Variants in SMIM31 observed in about 807,000 individuals in gnomAD.
SMIM31 encodes the protein small integral membrane protein 31, also known as human epithelial cell program regulator.
At chr4:164,790,313 C>T (rs1733083653) in intron 2 of SMIM31, among the ~76,000 whole-genome samples, 1 of 152,050 alleles carries the variant, frequency 6.6e-6, no homozygotes, top group South Asian at 2.1e-4. Flanking sequence ...TAAAAAAAAT[C>T]CTTTTAAATG....
At chr4:164,770,891 C>T (rs1019164047) in intron 2 of SMIM31, among the ~76,000 whole-genome samples, 1 of 152,122 alleles carries the variant, frequency 6.6e-6, no homozygotes, top group Non-Finnish European at 1.5e-5. Flanking sequence ...ATTGTGCCCA[C>T]CACATGGTTA....
At chr4:164,761,345 A>G (rs1241305641) in intron 1 of SMIM31, among the ~76,000 whole-genome samples, 2 of 152,156 alleles carry the variant, frequency 1.3e-5, no homozygotes, top group African/African-American at 2.4e-5. Flanking sequence ...TCTTAATTCT[A>G]TTACTGAGTC....
intron 2 of SMIM31, among the ~76,000 whole-genome samples, chr4:164,771,782 C>A (rs1732806146): frequency 6.6e-6 from 1 of 152,054 alleles, no homozygotes; most frequent in Non-Finnish European, 1.5e-5. Context: ...GCACTCCAGC[C>A]TGAGTGACAG....
chr4:164,760,863 C>T (rs1022372350), intron 1 of SMIM31, among the ~76,000 whole-genome samples: 1 of 150,112 alleles, frequency 6.7e-6, no homozygotes, highest in African/African-American at 2.5e-5. Flanking sequence ...CAACTAGAAA[C>T]ATGGAGCTAC....
intron 1 of SMIM31, among the ~76,000 whole-genome samples, chr4:164,756,679 C>T (rs950727796): frequency 6.6e-6 from 1 of 151,992 alleles, no homozygotes; most frequent in Non-Finnish European, 1.5e-5. Flanking sequence ...TCTACCCCTG[C>T]CTCCAGATGT....
chr4:164,787,653 C>T (rs1414362169), intron 2 of SMIM31, among the ~76,000 whole-genome samples: 6 of 151,678 alleles, frequency 4.0e-5, no homozygotes, highest in African/African-American at 9.7e-5. Flanking sequence ...CTAGAACTCA[C>T]TTTACTTGGA....
intron 2 of SMIM31, among the ~76,000 whole-genome samples, chr4:164,772,730 C>T (rs113516095): frequency 0.12 from 17,513 of 146,844 alleles, 1,245 homozygotes; most frequent in African/African-American, 0.21. Context: ...AGGCGCCCGC[C>T]ACCACGCCCG....
intron 2 of SMIM31, among the ~76,000 whole-genome samples, chr4:164,789,772 A>G (rs1676903961): frequency 1.3e-5 from 2 of 152,210 alleles, no homozygotes; most frequent in Non-Finnish European, 2.9e-5. Context: ...GATGGTACTT[A>G]TTCTTGAGAA....
intron 1 of SMIM31, among the ~76,000 whole-genome samples, chr4:164,755,305 C>T (rs1392944129): frequency 6.6e-6 from 1 of 151,060 alleles, no homozygotes; most frequent in African/African-American, 2.4e-5. Flanking sequence ...AACGGTGAAA[C>T]CCTGTCTCTA....
At chr4:164,784,634 T>G (rs557916494) in intron 2 of SMIM31, among the ~76,000 whole-genome samples, 10 of 152,210 alleles carry the variant, frequency 6.6e-5, no homozygotes, top group Non-Finnish European at 1.2e-4. Context: ...ACTAACAGTT[T>G]GCTTCCTACA....
At chr4:164,800,463 C>T (rs530616675) in intron 2 of SMIM31, among the ~76,000 whole-genome samples, 1 of 152,272 alleles carries the variant, frequency 6.6e-6, no homozygotes, top group East Asian at 1.9e-4. Flanking sequence ...CCACCTCAGC[C>T]TCCCAAAGTG....
intron 2 of SMIM31, among the ~76,000 whole-genome samples, chr4:164,787,060 T>C (rs1314883722): frequency 1.3e-5 from 2 of 152,224 alleles, no homozygotes; most frequent in African/African-American, 4.8e-5. Flanking sequence ...GGAAGAGAAG[T>C]GACATTAAGT....
chr4:164,758,622 CTTTTTTTGTTTT>C (rs1299048494), intron 1 of SMIM31, among the ~76,000 whole-genome samples: 4 of 105,390 alleles, frequency 3.8e-5, no homozygotes, highest in East Asian at 2.9e-4. Flanking sequence ...TGTAGTTTTC[CTTTTTTTGTTTT>C]TTTTTTTTTT....
At chr4:164,772,814 G>A (rs1221077177) in intron 2 of SMIM31, among the ~76,000 whole-genome samples, 3 of 151,404 alleles carry the variant, frequency 2.0e-5, no homozygotes, top group South Asian at 4.2e-4. Context: ...TCCTGACCTC[G>A]TGATCCGCCC....
intron 1 of SMIM31, among the ~76,000 whole-genome samples, chr4:164,758,970 A>G (rs1174813364): frequency 6.6e-6 from 1 of 151,284 alleles, no homozygotes; most frequent in African/African-American, 2.4e-5. Flanking sequence ...GCCCTGCCTC[A>G]TATATGTAGT....
chr4:164,764,777 G>A (rs1323432864), intron 1 of SMIM31, among the ~76,000 whole-genome samples: 1 of 152,046 alleles, frequency 6.6e-6, no homozygotes, highest in African/African-American at 2.4e-5. Context: ...AGAAAGCCCA[G>A]GCAACATGAC....
At chr4:164,785,130 G>A (rs1733011337) in intron 2 of SMIM31, among the ~76,000 whole-genome samples, 1 of 151,938 alleles carries the variant, frequency 6.6e-6, no homozygotes. Context: ...GGAGGCTGAG[G>A]CAGGAGAATC....
intron 2 of SMIM31, among the ~76,000 whole-genome samples, chr4:164,772,831 G>A (rs555097095): frequency 5.3e-5 from 8 of 151,554 alleles, no homozygotes; most frequent in African/African-American, 1.9e-4. Flanking sequence ...GCCCGCCTCG[G>A]CCTCCCAAAG....
intron 2 of SMIM31, among the ~76,000 whole-genome samples, chr4:164,798,035 T>A (rs561239136): frequency 6.6e-6 from 1 of 152,238 alleles, no homozygotes; most frequent in South Asian, 2.1e-4. Flanking sequence ...GGCCTCCAGT[T>A]CCATCCATGT....
Sources: gnomAD v4.1 joint callset for allele counts (sites outside exome capture counted in the v4.1 genomes callset) on GRCh38, gnomAD v4.1.1 for gene constraint, MANE v1.5 for transcripts, NCBI Gene and HGNC (gene_info 2026-07-23, HGNC 2026-07-21) for gene names.